PARVA: variants seen among roughly 807,000 people sequenced by gnomAD.
PARVA encodes the protein alpha-parvin.
PARVA carries 25 observed loss-of-function variants against 52.6 expected under a neutral mutation model. That is an observed-to-expected ratio of 0.48 (90% CI 0.35 to 0.66). PARVA has a LOEUF of 0.66. Ranked by LOEUF, PARVA falls within the 30% of genes least tolerant of loss-of-function variation. The probability of loss-of-function intolerance (pLI) is 0.01; values close to 1 mark genes in which losing one functional copy is unlikely to be tolerated. For synonymous variants in PARVA, 185 were observed against 179.1 expected (o/e 1.03, Z -0.26); for missense variants, 373 against 450.9 (o/e 0.83, Z 1.56).
chr11:12,433,675 T>C (rs1462097142), intron 1 of PARVA, among the ~76,000 whole-genome samples: 1 of 152,052 alleles, frequency 6.6e-6, no homozygotes, highest in African/African-American at 2.4e-5. Flanking sequence ...ACCTTAGAGG[T>C]TGTTGTTTTA....
At chr11:12,439,657 T>C (rs1940435286) in intron 1 of PARVA, among the ~76,000 whole-genome samples, 2 of 151,958 alleles carry the variant, frequency 1.3e-5, no homozygotes, top group Admixed American at 1.3e-4. Context: ...TCCTTGATGG[T>C]TTTCCCATAT....
At chr11:12,391,558 G>A (rs532380381) in intron 1 of PARVA, among the ~76,000 whole-genome samples, 1 of 152,268 alleles carries the variant, frequency 6.6e-6, no homozygotes, top group South Asian at 2.1e-4. Context: ...TGTGCAGGTT[G>A]GTATCAATGG....
intron 3 of PARVA, among the ~76,000 whole-genome samples, chr11:12,474,975 G>A (rs1433277932): frequency 1.3e-5 from 2 of 151,562 alleles, no homozygotes; most frequent in Non-Finnish European, 2.9e-5. Context: ...AAATAGCACT[G>A]GATGTCAGAG....
At chr11:12,506,872 C>T (rs1191392278) in intron 6 of PARVA, among the ~76,000 whole-genome samples, 1 of 152,168 alleles carries the variant, frequency 6.6e-6, no homozygotes, top group Non-Finnish European at 1.5e-5. Context: ...ACCCAGATTT[C>T]TTTTCCATTC....
chr11:12,429,717 C>T (rs1194935299), intron 1 of PARVA, among the ~76,000 whole-genome samples: 2 of 152,108 alleles, frequency 1.3e-5, no homozygotes, highest in South Asian at 4.2e-4. Context: ...TATCTATTAA[C>T]CCATTTATGC....
intron 4 of PARVA, among the ~76,000 whole-genome samples, chr11:12,482,374 C>CCCAACACTTTGGGAGG (rs1404278264): frequency 2.0e-5 from 3 of 151,932 alleles, no homozygotes; most frequent in Non-Finnish European, 4.4e-5. Flanking sequence ...CGCCTGTAAT[C>CCCAACACTTTGGGAGG]CCAACACTTT....
intron 1 of PARVA, among the ~76,000 whole-genome samples, chr11:12,461,622 C>G (rs1392749683): frequency 6.6e-6 from 1 of 152,226 alleles, no homozygotes; most frequent in Non-Finnish European, 1.5e-5. Context: ...CTGCCTGAAG[C>G]CATCCAATGG....
intron 4 of PARVA, chr11:12,480,363 AG>A (rs1332509096): frequency 1.3e-5 from 2 of 152,182 alleles, no homozygotes; most frequent in Non-Finnish European, 2.9e-5. Flanking sequence ...GAATACAGAG[AG>A]GAAATGAAAA....
At chr11:12,478,912 C>A (rs575034901) in intron 4 of PARVA, 2 of 152,218 alleles carry the variant, frequency 1.3e-5, no homozygotes, top group Non-Finnish European at 2.9e-5. Flanking sequence ...TGCCTCTCTC[C>A]TGCTGGACAA....
At chr11:12,430,789 T>C (rs1040177215) in intron 1 of PARVA, among the ~76,000 whole-genome samples, 9 of 152,176 alleles carry the variant, frequency 5.9e-5, no homozygotes, top group Non-Finnish European at 1.2e-4. Flanking sequence ...TACTCTAAAG[T>C]GTTCAAAAGT....
intron 8 of PARVA, among the ~76,000 whole-genome samples, chr11:12,512,506 C>A (rs1051963966): frequency 1.3e-5 from 2 of 152,150 alleles, no homozygotes; most frequent in Non-Finnish European, 1.5e-5. Flanking sequence ...GAGTCAGATC[C>A]CTTCCACTGT....
intron 10 of PARVA, 28 bp from the exon 11 acceptor site, chr11:12,517,582 C>G: frequency 6.7e-7 from 1 of 1,501,352 alleles, no homozygotes. Flanking sequence ...GCTCAGGGGC[C>G]AGTGCCATCA....
At chr11:12,489,245 T>TCA (rs1589977645) in intron 4 of PARVA, among the ~76,000 whole-genome samples, 2 of 151,800 alleles carry the variant, frequency 1.3e-5, no homozygotes, top group East Asian at 3.8e-4. Context: ...ATAAATGTTT[T>TCA]TAAAGACTTA....
At chr11:12,469,182 T>A (rs747393033) in intron 1 of PARVA, among the ~76,000 whole-genome samples, 1 of 152,158 alleles carries the variant, frequency 6.6e-6, no homozygotes, top group Non-Finnish European at 1.5e-5. Context: ...GTTCCACAGC[T>A]GATAAAAATA....
chr11:12,467,674 T>C (rs1248395540), intron 1 of PARVA, among the ~76,000 whole-genome samples: 4 of 152,176 alleles, frequency 2.6e-5, no homozygotes. Context: ...TTTAATAACT[T>C]TCAAGGGGAC....
chr11:12,403,705 C>T (rs1939861837), intron 1 of PARVA, among the ~76,000 whole-genome samples: 1 of 152,220 alleles, frequency 6.6e-6, no homozygotes, highest in Admixed American at 6.5e-5. Context: ...TACTCAGATA[C>T]ATTGCTCATT....
At chr11:12,414,106 G>A (rs1387889797) in intron 1 of PARVA, among the ~76,000 whole-genome samples, 2 of 152,164 alleles carry the variant, frequency 1.3e-5, no homozygotes, top group Admixed American at 1.3e-4. Flanking sequence ...GACTCTCCCC[G>A]TGCCAGCACA....
At chr11:12,514,313 CCTCT>C (rs1159322083) in intron 10 of PARVA, among the ~76,000 whole-genome samples, 7 of 152,186 alleles carry the variant, frequency 4.6e-5, no homozygotes, top group Admixed American at 1.3e-4. Flanking sequence ...TTTGGCCACA[CCTCT>C]CTCTCTTTCT....
chr11:12,439,291 G>A (rs74905761), intron 1 of PARVA, among the ~76,000 whole-genome samples: 1 of 152,144 alleles, frequency 6.6e-6, no homozygotes, highest in Non-Finnish European at 1.5e-5. Context: ...TCCCCCAAAC[G>A]ACACTGCAGG....
Sources: gnomAD v4.1 joint callset for allele counts (sites outside exome capture counted in the v4.1 genomes callset) on GRCh38, gnomAD v4.1.1 for gene constraint, MANE v1.5 for transcripts, NCBI Gene and HGNC (gene_info 2026-07-23, HGNC 2026-07-21) for gene names.